Variants in NSRP1 observed in about 807,000 individuals in gnomAD.
The protein encoded by NSRP1 is nuclear speckle splicing regulatory protein 1, also known as coiled-coil domain containing 55.
Under a neutral mutation model 54.7 loss-of-function variants are expected in NSRP1, and 24 were observed. The observed-to-expected ratio is 0.44, with a 90% CI of 0.32 to 0.62. The LOEUF (loss-of-function observed/expected upper bound fraction) is 0.62, where lower values mean the gene tolerates loss of function less well. NSRP1 is among the 20% of genes least tolerant of loss of function. The pLI is 0.06. For synonymous variants in NSRP1, 210 were observed against 213.8 expected (o/e 0.98, Z 0.15); for missense variants, 596 against 651.2 (o/e 0.92, Z 0.92).
intron 3 of NSRP1, among the ~76,000 whole-genome samples, chr17:30,174,792 G>A (rs547439079): frequency 1.4e-4 from 22 of 152,276 alleles, no homozygotes; most frequent in Admixed American, 1.2e-3. Context: ...ATCAATCATT[G>A]TAACTTCACA....
Position 30,181,033 on chromosome 17 carries a change from G to A in NSRP1, c.617+17G>A. ...TGAAGCCAGGTGAGGAGACGTGTATGAAATATTTTGAAGAAAAATACTGTT... is the reference window on the plus strand; with the variant it reads ...TGAAGCCAGGTGAGGAGACGTGTATAAAATATTTTGAAGAAAAATACTGTT... On this transcript the variant is annotated intron_variant, in intron 6 of 6. Coordinates refer to ENST00000247026, the MANE Select transcript of NSRP1 (RefSeq NM_032141.4). 6.9e-7 allele frequency: 1 copy of A among 1,442,542 alleles called. No individual in the cohort carries two copies. Among genetic ancestry groups the A allele is most frequent in the Non-Finnish European group, 9.8e-7 (1 of 1,024,142 alleles). The allele number at this position is 1,442,542 out of a possible 1,614,324, so 89.4% of individuals were successfully genotyped here. A position where few individuals can be genotyped will look rare whatever the true frequency, so the allele number is the denominator to read the frequency against.
At position 30,118,123 on chromosome 17, in the gene NSRP1, G is replaced by T; in HGVS notation, c.64G>T (p.Val22Phe). The change falls in exon 2 of 7, where the codon GTT becomes TTT. Residue 22 changes from valine (V) to phenylalanine (F), a missense_variant. By Grantham distance (50) the Val-to-Phe change is conservative. Transcript: ENST00000247026. ...LPKKTQQLHP[V>F]LQKPSVFGND... ...AAAGAAAACACAGCAGTTGCACCCT[G>T]TTTTGCAAAAACCATCAGTGTTTGG... The T allele has an allele frequency of 6.2e-7, 1 of 1,613,820 alleles. No individual in the cohort carries two copies. The highest frequency in any genetic ancestry group is 8.5e-7 in the Non-Finnish European group (1 of 1,179,856).
At position 30,185,216 on chromosome 17, in the gene NSRP1, A is replaced by G. The variant is rs368129693; in HGVS notation, c.1219A>G (p.Lys407Glu). Residue 407 changes from lysine (K) to glutamate (E), a missense_variant, in exon 7 of 7, where the codon AAA becomes GAA. Lys to Glu is a moderately conservative substitution (Grantham distance 56). Transcript: ENST00000247026. ...QQNDQNRPSE[K>E]GEKEEKSKAK... ...AAATGATCAGAACCGACCCAGTGAG[A>G]AAGGAGAGAAGGAAGAGAAAAGCAA... 1.8e-5 allele frequency: 28 copies of G among 1,575,412 alleles called. No homozygotes were observed. Among genetic ancestry groups the G allele is most frequent in the Non-Finnish European group, 2.4e-5 (28 of 1,160,362 alleles).
At chr17:30,179,760 G>T (rs1220601542) in intron 5 of NSRP1, among the ~76,000 whole-genome samples, 1 of 152,110 alleles carries the variant, frequency 6.6e-6, no homozygotes, top group Non-Finnish European at 1.5e-5. Flanking sequence ...AAAATTGGAT[G>T]AATTAAGAAT....
intron 6 of NSRP1, among the ~76,000 whole-genome samples, chr17:30,181,861 C>T (rs1293840642): frequency 6.6e-6 from 1 of 151,884 alleles, no homozygotes; most frequent in Non-Finnish European, 1.5e-5. Flanking sequence ...CCACCCGCCT[C>T]GGCCTCCCAA....
At position 30,116,837 on chromosome 17, in the gene NSRP1, G is replaced by A; in HGVS notation, c.-7G>A. Reference sequence around the variant, plus strand: ...CGTCGGCCACGTTCAGCGGACACGGGAGCAAGATGGCGATTCCGGGCAGGC... The same window carrying A: ...CGTCGGCCACGTTCAGCGGACACGGAAGCAAGATGGCGATTCCGGGCAGGC... On this transcript the variant is annotated 5_prime_UTR_variant, in exon 1 of 7. Transcript: ENST00000247026. The A allele has an allele frequency of 2.5e-6, 4 of 1,574,650 alleles. No homozygotes were observed. Among genetic ancestry groups the A allele is most frequent in the Non-Finnish European group, 3.4e-6 (4 of 1,159,598 alleles).
At chr17:30,133,312 C>G (rs924890614) in intron 2 of NSRP1, among the ~76,000 whole-genome samples, 5 of 152,046 alleles carry the variant, frequency 3.3e-5, no homozygotes, top group Non-Finnish European at 7.4e-5. Context: ...ACCATTTGCT[C>G]CAGAATGGAT....
intron 2 of NSRP1, among the ~76,000 whole-genome samples, chr17:30,124,979 A>C (rs1189072601): frequency 1.3e-5 from 2 of 152,158 alleles, no homozygotes; most frequent in African/African-American, 2.4e-5. Flanking sequence ...TGGGCAGATC[A>C]CTTGAGGTCA....
chr17:30,181,605 T>TG lies in NSRP1; in HGVS notation c.617+589_617+590insG, dbSNP rs199743932. On this transcript the variant is annotated intron_variant, in intron 6 of 6. Transcript: ENST00000247026. ...TTGTTGTTGTGTGTGTGGTTTTTTT[T>TG]TTTTGTTTTTTTTTTTTTTAGATGG... Among the ~76,000 whole-genome samples, 692 of 142,216 alleles carry TG rather than the reference T, an allele frequency of 4.9e-3. 20 individuals carry two copies. Among genetic ancestry groups the TG allele is most frequent in the Admixed American group, 0.04 (578 of 14,478 alleles). 93.3% of individuals were successfully genotyped at this position (142,216 alleles called of 152,430 possible). A position where few individuals can be genotyped will look rare whatever the true frequency, so the allele number is the denominator to read the frequency against.
chr17:30,149,247 G>GC (rs1192736458), intron 2 of NSRP1, among the ~76,000 whole-genome samples: 2 of 152,070 alleles, frequency 1.3e-5, no homozygotes, highest in Non-Finnish European at 2.9e-5. Context: ...ATGGGGTCTT[G>GC]CTGTGTTGTC....
chr17:30,160,865 C>A (rs1272187777), intron 2 of NSRP1, among the ~76,000 whole-genome samples: 2 of 152,140 alleles, frequency 1.3e-5, no homozygotes, highest in African/African-American at 4.8e-5. Flanking sequence ...ATAGGTAATT[C>A]AAGTTAAAAC....
At chr17:30,117,756 CATG>C (rs1236848382) in intron 1 of NSRP1, among the ~76,000 whole-genome samples, 2 of 146,866 alleles carry the variant, frequency 1.4e-5, no homozygotes, top group Admixed American at 6.7e-5. Flanking sequence ...TTCCACTACA[CATG>C]TTTTTTTTTT....
chr17:30,172,479 G>A (rs1014181704), intron 2 of NSRP1, 63 bp from the exon 3 acceptor site: 11 of 1,325,328 alleles, frequency 8.3e-6, no homozygotes, highest in Middle Eastern at 3.7e-4. Context: ...GATAGGGGAC[G>A]CTCGTACTGG....
intron 3 of NSRP1, among the ~76,000 whole-genome samples, chr17:30,176,612 C>CT (rs148426322): frequency 3.3e-5 from 4 of 121,048 alleles, no homozygotes; most frequent in African/African-American, 5.3e-5. Context: ...TTCGTCCCCC[C>CT]CCCCCCAAAA....
At chr17:30,129,133 C>T (rs2071677758) in intron 2 of NSRP1, among the ~76,000 whole-genome samples, 1 of 151,292 alleles carries the variant, frequency 6.6e-6, no homozygotes, top group South Asian at 2.1e-4. Flanking sequence ...AAGGATTTCC[C>T]ATAGTGTATT....
At chr17:30,171,938 A>T (rs1442271858) in intron 2 of NSRP1, among the ~76,000 whole-genome samples, 10 of 113,354 alleles carry the variant, frequency 8.8e-5, no homozygotes, top group East Asian at 2.7e-4. Context: ...CATTTCTCAC[A>T]CACACACACA....
intron 6 of NSRP1, 35 bp from the exon 7 acceptor site, chr17:30,184,579 AT>A (rs761185949): frequency 1.3e-6 from 2 of 1,520,110 alleles, no homozygotes; most frequent in Non-Finnish European, 1.8e-6. Flanking sequence ...ATAATGTGGC[AT>A]TTTTTTCTGC....
At chr17:30,132,544 A>G (rs2071710524) in intron 2 of NSRP1, among the ~76,000 whole-genome samples, 2 of 152,236 alleles carry the variant, frequency 1.3e-5, no homozygotes, top group South Asian at 4.1e-4. Flanking sequence ...ACAGAGCGAG[A>G]CTGTCTCAAA....
chr17:30,172,593 A>G lies in NSRP1; in HGVS notation c.166A>G (p.Lys56Glu), dbSNP rs965203080. Reference protein sequence around the residue: ...QREAAKKQAMKQTKLEIQKAL... With the variant: ...QREAAKKQAMEQTKLEIQKAL... The stretch of plus-strand genomic sequence containing the variant: ...GGAAGCTGCTAAGAAGCAGGCCATG[A>G]AACAGGTAAGGTAGAAGACTGGGAT... The change falls in exon 3 of 7, where the codon AAA (lysine) becomes GAA (glutamate). Residue 56 changes from lysine (K) to glutamate (E), a missense_variant. Coordinates refer to ENST00000247026, the MANE Select transcript of NSRP1 (RefSeq NM_032141.4). 1.8e-5 allele frequency: 29 copies of G among 1,610,714 alleles called. No individual in the cohort carries two copies. Among genetic ancestry groups the G allele is most frequent in the Non-Finnish European group, 2.5e-5 (29 of 1,178,064 alleles).
Sources: gnomAD v4.1 joint callset for allele counts (sites outside exome capture counted in the v4.1 genomes callset) on GRCh38, gnomAD v4.1.1 for gene constraint, MANE v1.5 for transcripts, NCBI Gene and HGNC (gene_info 2026-07-23, HGNC 2026-07-21) for gene names.